The following ASIC2 variants were observed in gnomAD, a reference collection of about 807,000 sequenced individuals.
ASIC2 encodes acid sensing ion channel subunit 2, also known as acid-sensing ion channel 2.
Under a neutral mutation model 57.3 loss-of-function variants are expected in ASIC2, and 25 were observed. The observed-to-expected ratio is 0.44, with a 90% CI of 0.32 to 0.61. The LOEUF (loss-of-function observed/expected upper bound fraction) is 0.61. Ranked by LOEUF, ASIC2 falls within the 20% of genes least tolerant of loss-of-function variation. The probability of loss-of-function intolerance (pLI) is 0.06; values close to 1 mark genes in which losing one functional copy is unlikely to be tolerated. For missense variants in ASIC2, 641 were observed against 738.1 expected (o/e 0.87, Z 1.52); for synonymous variants, 319 against 307.5 (o/e 1.04, Z -0.39).
In ASIC2 at chr17:33,292,232, G is replaced by A. The variant is rs1304184837; in HGVS notation, c.-117C>T. 1 of 998,804 alleles carries A rather than the reference G, an allele frequency of 1.0e-6. No homozygotes were observed. The highest frequency in any genetic ancestry group is 1.7e-5 in the African/African-American group (1 of 57,148). 61.9% of individuals were successfully genotyped at this position (998,804 alleles called of 1,614,324 possible). ...GGCAGCCGCGCGCAGCCCGCGCCAGGGAAGCGTGCGCCCGAAAGGAGCTCC... is the reference window on the plus strand; with the variant it reads ...GGCAGCCGCGCGCAGCCCGCGCCAGAGAAGCGTGCGCCCGAAAGGAGCTCC... On this transcript the variant is annotated 5_prime_UTR_variant, in exon 1 of 10. Coordinates refer to ENST00000225823, the MANE Select transcript of ASIC2 (RefSeq NM_183377.2).
chr17:33,185,850 C>T (rs1020182269), intron 1 of ASIC2, among the ~76,000 whole-genome samples: 1 of 152,186 alleles, frequency 6.6e-6, no homozygotes, highest in Admixed American at 6.5e-5. Flanking sequence ...GTAATAAACA[C>T]TCCAGGCTTC....
chr17:33,106,864 T>C (rs2092236798), intron 2 of ASIC2, among the ~76,000 whole-genome samples: 2 of 151,854 alleles, frequency 1.3e-5, no homozygotes, highest in South Asian at 4.2e-4. Context: ...TGTGAAAAAA[T>C]ATGTGTGTGG....
chr17:33,991,966 G>A (rs561361320), intron 1 of ASIC2, among the ~76,000 whole-genome samples: 1 of 152,172 alleles, frequency 6.6e-6, no homozygotes, highest in East Asian at 1.9e-4. Flanking sequence ...TGTCCAGGAG[G>A]TGTTTGATCT....
intron 1 of ASIC2, among the ~76,000 whole-genome samples, chr17:33,119,313 C>A (rs1223458566): frequency 6.6e-6 from 1 of 152,192 alleles, no homozygotes; most frequent in Admixed American, 6.5e-5. Flanking sequence ...TGAGTCAATT[C>A]CGCTTTCTTC....
rs557543336 is a variant in ASIC2, at chr17:33,706,779, G to A, written c.555+449199C>T. On this transcript the variant is annotated intron_variant, in intron 1 of 9. Transcript: ENST00000359872. The stretch of plus-strand genomic sequence containing the variant: ...TGAAATAATCTGTGATTTTCATTCT[G>A]CCCCCACCTGGGAAACATCTTTCCT... Among the ~76,000 whole-genome samples the A allele has an allele frequency of 5.9e-5, 9 of 152,094 alleles. No homozygotes were observed. In the East Asian group the frequency reaches 1.7e-3, roughly 29 times the overall value.
intron 1 of ASIC2, among the ~76,000 whole-genome samples, chr17:33,485,235 A>G (rs2141929901): frequency 6.6e-6 from 1 of 152,320 alleles, no homozygotes; most frequent in South Asian, 2.1e-4. Context: ...ACTGACCTTG[A>G]GTGGATAAAG....
chr17:33,552,866 T>C (rs1184061777), intron 1 of ASIC2, among the ~76,000 whole-genome samples: 3 of 152,222 alleles, frequency 2.0e-5, no homozygotes, highest in African/African-American at 7.2e-5. Flanking sequence ...CTGTTAATGG[T>C]GGAAATGTTT....
At chr17:33,206,009 T>G (rs1328305572) in intron 1 of ASIC2, among the ~76,000 whole-genome samples, 2 of 152,156 alleles carry the variant, frequency 1.3e-5, no homozygotes, top group African/African-American at 4.8e-5. Flanking sequence ...AATAAAATGC[T>G]CTCAGGGTCA....
intron 1 of ASIC2, among the ~76,000 whole-genome samples, chr17:34,145,752 C>T (rs1011137776): frequency 3.9e-5 from 6 of 152,232 alleles, no homozygotes; most frequent in Non-Finnish European, 8.8e-5. Context: ...TGAGTTCTTT[C>T]ATACGCTCCT....
intron 1 of ASIC2, among the ~76,000 whole-genome samples, chr17:33,388,079 C>CA (rs975604201): frequency 1.8e-4 from 19 of 103,482 alleles, no homozygotes; most frequent in African/African-American, 6.8e-4. Context: ...GACTCCATCT[C>CA]AAAAAAACAA....
chr17:33,349,551 C>G (rs1340367307), intron 1 of ASIC2, among the ~76,000 whole-genome samples: 4 of 152,194 alleles, frequency 2.6e-5, no homozygotes, highest in African/African-American at 9.6e-5. Flanking sequence ...GTTCTTCCTG[C>G]TCCCCTCATC....
chr17:33,278,220 A>C (rs1904786336), intron 1 of ASIC2, among the ~76,000 whole-genome samples: 3 of 143,418 alleles, frequency 2.1e-5, no homozygotes. Context: ...TTTTGCCTTC[A>C]CAGCATTTAT....
intron 1 of ASIC2, among the ~76,000 whole-genome samples, chr17:33,248,876 C>CT (rs1429718442): frequency 6.6e-6 from 1 of 152,252 alleles, no homozygotes; most frequent in Middle Eastern, 3.4e-3. Context: ...TGCAAAGAGT[C>CT]TTTTTTTCCA....
chr17:33,523,762 T>A (rs941619110), intron 1 of ASIC2, among the ~76,000 whole-genome samples: 9 of 152,144 alleles, frequency 5.9e-5, no homozygotes, highest in Admixed American at 3.9e-4. Context: ...AGGCCCTCTG[T>A]GCTCACTCTA....
rs115537559 is a variant in ASIC2, at chr17:33,170,375, G to T, written c.709-58308C>A. ...AAATAGGAAATGATCTCCCATTGTT[G>T]TTTTTAAAACAGATCATTAACTATT... On this transcript the variant is annotated intron_variant, in intron 1 of 9. Transcript: ENST00000225823. Among the ~76,000 whole-genome samples the T allele has an allele frequency of 1.8e-3, 273 of 152,262 alleles. 2 individuals are homozygous for T. Among genetic ancestry groups the T allele is most frequent in the African/African-American group, 6.4e-3 (264 of 41,550 alleles).
At chr17:33,400,280 A>G (rs1003901107) in intron 1 of ASIC2, among the ~76,000 whole-genome samples, 3 of 152,210 alleles carry the variant, frequency 2.0e-5, no homozygotes, top group African/African-American at 7.2e-5. Flanking sequence ...TCCTTGTTGA[A>G]GATCTCATTA....
chr17:33,546,142 T>TGTATATGTAAATATATATACATAA (rs971924566), intron 1 of ASIC2, among the ~76,000 whole-genome samples: 6 of 150,138 alleles, frequency 4.0e-5, no homozygotes, highest in South Asian at 2.1e-4. Flanking sequence ...TATACACATA[T>TGTATATGTAAATATATATACATAA]GTATATGTAA....
intron 1 of ASIC2, among the ~76,000 whole-genome samples, chr17:34,117,338 G>A (rs1911457057): frequency 6.6e-6 from 1 of 152,228 alleles, no homozygotes; most frequent in African/African-American, 2.4e-5. Flanking sequence ...AGGGAGGGCA[G>A]TGAGCCATTC....
At chr17:33,567,657 G>A (rs1202148382) in intron 1 of ASIC2, among the ~76,000 whole-genome samples, 3 of 152,260 alleles carry the variant, frequency 2.0e-5, no homozygotes, top group South Asian at 4.1e-4. Flanking sequence ...GAAAGGGAGG[G>A]CAAGGGATAG....
Sources: allele counts gnomAD v4.1 joint callset (sites outside exome capture counted in the v4.1 genomes callset), GRCh38; gene constraint gnomAD v4.1.1; transcripts MANE v1.5; gene names NCBI Gene and HGNC (gene_info 2026-07-23, HGNC 2026-07-21).